The following NAF1 variants were observed in gnomAD, a reference collection of about 807,000 sequenced individuals.
The protein encoded by NAF1 is nuclear assembly factor 1 ribonucleoprotein.
In NAF1, 11 loss-of-function variants were observed where a neutral mutation model predicts 40.6. The ratio of observed to expected loss-of-function variants is 0.27; its 90% CI spans 0.17 to 0.45. The LOEUF (loss-of-function observed/expected upper bound fraction) is 0.45, where lower values mean the gene tolerates loss of function less well. Ranked by LOEUF, NAF1 falls within the 20% of genes least tolerant of loss-of-function variation. NAF1 has a pLI of 1.00. For missense variants in NAF1, 607 were observed against 611.1 expected (o/e 0.99, Z 0.07); for synonymous variants, 260 against 228.5 (o/e 1.14, Z -1.24).
intron 2 of NAF1, chr4:163,157,600 G>A (rs1034217056): frequency 2.6e-5 from 4 of 151,624 alleles, no homozygotes; most frequent in South Asian, 2.1e-4. Flanking sequence ...AAATTACTGT[G>A]CTTCTGTGAT....
Position 163,166,678 on chromosome 4 carries a change from T to A in NAF1, c.50A>T (p.Asn17Ile). The A allele has an allele frequency of 6.2e-7, 1 of 1,613,742 alleles. No homozygotes were observed. Among genetic ancestry groups the A allele is most frequent in the African/African-American group, 1.3e-5 (1 of 75,036 alleles). The change falls in exon 1 of 8, where the codon AAT becomes ATT. Residue 17 changes from asparagine (N) to isoleucine (I), a missense_variant. Asn to Ile is a moderately radical substitution (Grantham distance 149, BLOSUM62 -3). Coordinates refer to ENST00000274054, the MANE Select transcript of NAF1 (RefSeq NM_138386.3). ...AAAQLETLKF[N>I]GTDFGVGEGP... ...TTCCCCAACTCCAAAGTCGGTGCCA[T>A]TGAATTTCAGAGTTTCCAGCTGAGC...
At chr4:163,133,933 A>G (rs746666676) in intron 6 of NAF1, among the ~76,000 whole-genome samples, 25 of 152,178 alleles carry the variant, frequency 1.6e-4, no homozygotes, top group Non-Finnish European at 3.2e-4. Flanking sequence ...GCACGCCACC[A>G]TGCCCAACTA....
rs894167223 is a variant in NAF1 at position 163,133,273 on chromosome 4, T to C, written c.931-17A>G. ...ATCTAAGGCCTTGCAGAGAAAAGTA[T>C]ATAATAGGTTTATGTTACATGAATT... On this transcript the variant is annotated splice_polypyrimidine_tract_variant and intron_variant, in intron 6 of 7. Coordinates refer to ENST00000274054, the MANE Select transcript of NAF1 (RefSeq NM_138386.3). 3.1e-6 allele frequency: 5 copies of C among 1,593,662 alleles called. No homozygotes were observed. In the South Asian group the frequency reaches 4.4e-5, roughly 14 times the overall value.
At chr4:163,120,954 C>T (rs189941050) in intron 2 of NAF1, among the ~76,000 whole-genome samples, 123 of 152,130 alleles carry the variant, frequency 8.1e-4, no homozygotes, top group African/African-American at 2.8e-3. Flanking sequence ...TGTAGTGGAG[C>T]GATCTAGGCT....
At chr4:163,114,231 T>C (rs1443196989) in intron 2 of NAF1, among the ~76,000 whole-genome samples, 1 of 152,182 alleles carries the variant, frequency 6.6e-6, no homozygotes, top group Non-Finnish European at 1.5e-5. Flanking sequence ...CTGTGGAATC[T>C]ACTGCCTCTG....
intron 2 of NAF1, among the ~76,000 whole-genome samples, chr4:163,161,474 C>G (rs566795253): frequency 6.6e-6 from 1 of 151,418 alleles, no homozygotes; most frequent in Non-Finnish European, 1.5e-5. Context: ...CTCTGTCCCC[C>G]CTCACCAAAA....
At chr4:163,130,758 CAAT>C (rs1159956989) in intron 7 of NAF1, among the ~76,000 whole-genome samples, 6 of 152,218 alleles carry the variant, frequency 3.9e-5, no homozygotes, top group Non-Finnish European at 8.8e-5. Flanking sequence ...TAAATCTAGA[CAAT>C]AACCTTACAC....
intron 4 of NAF1, among the ~76,000 whole-genome samples, chr4:163,144,217 C>A (rs549061911): frequency 1.3e-5 from 2 of 152,124 alleles, no homozygotes; most frequent in Non-Finnish European, 2.9e-5. Context: ...CTGAGACTGT[C>A]CTCCCTTAAT....
intron 2 of NAF1, among the ~76,000 whole-genome samples, chr4:163,120,185 G>C: frequency 6.6e-6 from 1 of 152,280 alleles, no homozygotes; most frequent in Middle Eastern, 3.4e-3. Flanking sequence ...TGTCATGGGA[G>C]CACACAATAA....
chr4:163,117,957 T>G (rs928949794), intron 2 of NAF1, among the ~76,000 whole-genome samples: 7 of 152,316 alleles, frequency 4.6e-5, no homozygotes, highest in East Asian at 1.9e-4. Flanking sequence ...TCTAAAATGC[T>G]ATGATTTCCA....
At chr4:163,153,574 A>C (rs1173815072) in intron 2 of NAF1, among the ~76,000 whole-genome samples, 1 of 152,188 alleles carries the variant, frequency 6.6e-6, no homozygotes, top group Admixed American at 6.5e-5. Flanking sequence ...TGAATGCACC[A>C]ATCGACACTC....
At chr4:163,138,350 T>C (rs1001196019) in intron 5 of NAF1, among the ~76,000 whole-genome samples, 2 of 152,140 alleles carry the variant, frequency 1.3e-5, no homozygotes, top group Non-Finnish European at 2.9e-5. Context: ...TATTCCTTTC[T>C]GCACATATGA....
At chr4:163,154,549 CTATT>C (rs1731889211) in intron 2 of NAF1, among the ~76,000 whole-genome samples, 1 of 152,096 alleles carries the variant, frequency 6.6e-6, no homozygotes, top group African/African-American at 2.4e-5. Flanking sequence ...GAAAACAGAT[CTATT>C]TGTTTCTTTT....
At chr4:163,143,070 C>G (rs1425559297) in intron 4 of NAF1, among the ~76,000 whole-genome samples, 4 of 152,150 alleles carry the variant, frequency 2.6e-5, no homozygotes, top group Admixed American at 2.0e-4. Flanking sequence ...GGGCAAGCAG[C>G]TTTCTTTATA....
intron 2 of NAF1, among the ~76,000 whole-genome samples, chr4:163,150,084 C>G (rs1456057001): frequency 6.6e-6 from 1 of 152,046 alleles, no homozygotes; most frequent in Admixed American, 6.5e-5. Context: ...TGGGATAAAG[C>G]CTACTGGTTA....
At chr4:163,104,049 ACAGT>A in the NAF1 span, among the ~76,000 whole-genome samples, 35 of 151,804 alleles carry the variant, frequency 2.3e-4, no homozygotes, top group East Asian at 6.0e-3. Flanking sequence ...GTGGAAAATT[ACAGT>A]CAAAGGGGGT....
Position 163,160,724 on chromosome 4 carries a change from T to C in NAF1, c.540+3493A>G, listed in dbSNP as rs142760366. 5.6e-4 allele frequency among the ~76,000 whole-genome samples: 85 copies of C among 152,350 alleles called. 2 individuals are homozygous for C. In the East Asian group the frequency reaches 0.014, roughly 26 times the overall value. The stretch of plus-strand genomic sequence containing the variant: ...AACTGGGCTAAATTGGGCATGTCTA[T>C]GTCCAGATCCCTGAAGGTCCAGCAC... On this transcript the variant is annotated intron_variant, in intron 2 of 7. Coordinates refer to ENST00000274054, the MANE Select transcript of NAF1 (RefSeq NM_138386.3).
intron 5 of NAF1, among the ~76,000 whole-genome samples, chr4:163,138,403 T>A (rs1731136571): frequency 6.6e-6 from 1 of 152,066 alleles, no homozygotes; most frequent in African/African-American, 2.4e-5. Context: ...ATCACAGACA[T>A]AAATGGGAAA....
intron 2 of NAF1, among the ~76,000 whole-genome samples, chr4:163,153,165 G>C (rs372719947): frequency 6.6e-6 from 1 of 152,186 alleles, no homozygotes; most frequent in African/African-American, 2.4e-5. Flanking sequence ...CGAGCCTCCC[G>C]GACGAATACC....
Sources: gnomAD v4.1 joint callset for allele counts (sites outside exome capture counted in the v4.1 genomes callset) on GRCh38, gnomAD v4.1.1 for gene constraint, MANE v1.5 for transcripts, NCBI Gene and HGNC (gene_info 2026-07-23, HGNC 2026-07-21) for gene names.